Variants in NEMP2 observed in about 807,000 individuals in gnomAD.
The protein encoded by NEMP2 is nuclear envelope integral membrane protein 2, also known as UPF0571 transmembrane protein.
In NEMP2, 53 loss-of-function variants were observed where a neutral mutation model predicts 54.2. The ratio of observed to expected loss-of-function variants is 0.98; its 90% CI spans 0.78 to 1.23. The LOEUF (loss-of-function observed/expected upper bound fraction) is 1.23. NEMP2 is among the 50% of genes most tolerant of loss of function. The pLI is 0.00. For synonymous variants in NEMP2, 197 were observed against 190.3 expected, an observed-to-expected ratio of 1.04 and a Z score of -0.29; for missense variants, 455 against 511.3, an observed-to-expected ratio of 0.89 and a Z score of 1.06.
At chr2:190,590,672 T>C in the NEMP2 span, among the ~76,000 whole-genome samples, 1 of 152,224 alleles carries the variant, frequency 6.6e-6, no homozygotes, top group Non-Finnish European at 1.5e-5. The surrounding 1 kb of genome is among the most constrained non-coding windows in gnomAD (Gnocchi z 5.1). Flanking sequence ...TATAGACTTA[T>C]TTTAAAAATT....
At chr2:190,499,391 T>C (rs918997520), downstream of NEMP2, among the ~76,000 whole-genome samples, 7 of 152,224 alleles carry the variant, frequency 4.6e-5, no homozygotes, top group Non-Finnish European at 8.8e-5. The surrounding 1 kb of genome is among the most constrained non-coding windows in gnomAD (Gnocchi z 6.0). Flanking sequence ...ATGGCATTTA[T>C]GGAAATTGCT....
chr2:190,491,044 GTAGT>G, the NEMP2 span, among the ~76,000 whole-genome samples: 1 of 152,164 alleles, frequency 6.6e-6, no homozygotes, highest in Non-Finnish European at 1.5e-5. This position sits in a 1 kb window ranked among gnomAD's most constrained non-coding sequence, Gnocchi z 4.2. Flanking sequence ...GTTATAAGAT[GTAGT>G]TAAAGTTGTA....
chr2:190,467,961 CT>C, the NEMP2 span, among the ~76,000 whole-genome samples: 1 of 152,188 alleles, frequency 6.6e-6, no homozygotes, highest in East Asian at 1.9e-4. This position sits in a 1 kb window ranked among gnomAD's most constrained non-coding sequence, Gnocchi z 5.5. Context: ...ATGTGTGGTC[CT>C]TTATAGAAAA....
chr2:190,648,150 C>G, the NEMP2 span: 1 of 152,174 alleles, frequency 6.6e-6, no homozygotes, highest in Non-Finnish European at 1.5e-5. Flanking sequence ...ACACCATGGA[C>G]ACAAAAAACA....
intron 1 of NEMP2, chr2:190,534,106 T>C (rs1691265981): frequency 1.0e-6 from 1 of 987,486 alleles, no homozygotes; most frequent in Non-Finnish European, 1.2e-6. Flanking sequence ...CTGAAGCTGT[T>C]ACCTTCTCTA....
At chr2:190,477,874 A>G in the NEMP2 span, among the ~76,000 whole-genome samples, 2 of 152,182 alleles carry the variant, frequency 1.3e-5, no homozygotes, top group Admixed American at 1.3e-4. Flanking sequence ...CCCTACAAAA[A>G]TCACATAAGC....
In NEMP2 at chr2:190,508,791, C is replaced by T. The variant is rs1690257154; in HGVS notation, c.*398G>A. ...AGGTCTCTTTAAGGACTTATACTGA[C>T]GAACTATAGGAAGAGTATTGCAGAG... On this transcript the variant is annotated 3_prime_UTR_variant, in exon 9 of 9. Coordinates refer to ENST00000409150, the MANE Select transcript of NEMP2 (RefSeq NM_001142645.2). This position sits in a 1 kb window ranked among gnomAD's most constrained non-coding sequence, Gnocchi z 4.3. The T allele has an allele frequency of 1.6e-5, 3 of 188,926 alleles. No homozygotes were observed. Among genetic ancestry groups the T allele is most frequent in the South Asian group, 1.2e-4 (1 of 8,202 alleles). The allele number at this position is 188,926 out of a possible 1,614,324, so 11.7% of individuals were successfully genotyped here. A position where few individuals can be genotyped will look rare whatever the true frequency, so the allele number is the denominator to read the frequency against.
chr2:190,577,195 C>G, the NEMP2 span, among the ~76,000 whole-genome samples: 1 of 152,076 alleles, frequency 6.6e-6, no homozygotes, highest in Non-Finnish European at 1.5e-5. This position sits in a 1 kb window ranked among gnomAD's most constrained non-coding sequence, Gnocchi z 4.8. Context: ...TTTTTGAATG[C>G]AAAATTTATA....
chr2:190,545,370 A>G, the NEMP2 span, among the ~76,000 whole-genome samples: 7 of 152,002 alleles, frequency 4.6e-5, no homozygotes, highest in African/African-American at 1.7e-4. Flanking sequence ...TTTTCCCCCC[A>G]CTGGGGTAAT....
the NEMP2 span, among the ~76,000 whole-genome samples, chr2:190,468,979 C>A: frequency 6.6e-6 from 1 of 152,144 alleles, no homozygotes; most frequent in Non-Finnish European, 1.5e-5. Flanking sequence ...TCCAAACCAG[C>A]CCATCCAGTT....
chr2:190,425,863 T>G, the NEMP2 span, among the ~76,000 whole-genome samples: 1 of 152,230 alleles, frequency 6.6e-6, no homozygotes, highest in Non-Finnish European at 1.5e-5. The surrounding 1 kb of genome is among the most constrained non-coding windows in gnomAD (Gnocchi z 4.3). Flanking sequence ...ACAATTCTTT[T>G]CTTTTAGCAC....
chr2:190,484,111 T>C, the NEMP2 span, among the ~76,000 whole-genome samples: 1 of 152,088 alleles, frequency 6.6e-6, no homozygotes. Flanking sequence ...TTATGTGAGT[T>C]GGTATTGAAT....
At chr2:190,517,995 G>A (rs369361731) in intron 4 of NEMP2, among the ~76,000 whole-genome samples, 2 of 152,126 alleles carry the variant, frequency 1.3e-5, no homozygotes, top group Non-Finnish European at 2.9e-5. Context: ...AGCCCAGCTC[G>A]TCAGAGTCCA....
chr2:190,534,996 CG>C (rs919166196), upstream of NEMP2: 1 of 212,286 alleles, frequency 4.7e-6, no homozygotes, highest in African/African-American at 2.3e-5. Flanking sequence ...ACCGCCCGGC[CG>C]TGTCCCGCTG....
the NEMP2 span, among the ~76,000 whole-genome samples, chr2:190,631,159 G>A: frequency 1.9e-4 from 29 of 152,304 alleles, 2 homozygotes; most frequent in African/African-American, 6.3e-4. Flanking sequence ...TAAATTATTT[G>A]AAGATGTTGT....
chr2:190,465,980 G>T, the NEMP2 span, among the ~76,000 whole-genome samples: 5 of 152,092 alleles, frequency 3.3e-5, no homozygotes, highest in Admixed American at 2.6e-4. This position sits in a 1 kb window ranked among gnomAD's most constrained non-coding sequence, Gnocchi z 4.6. Context: ...AAAAAACTCG[G>T]AAGTTTATTT....
At chr2:190,616,089 C>T in the NEMP2 span, among the ~76,000 whole-genome samples, 14 of 152,270 alleles carry the variant, frequency 9.2e-5, no homozygotes, top group Admixed American at 5.9e-4. This position sits in a 1 kb window ranked among gnomAD's most constrained non-coding sequence, Gnocchi z 5.1. Flanking sequence ...ATTTCAGGCC[C>T]GAGTTCCTGC....
At chr2:190,620,294 A>G in the NEMP2 span, 2 of 152,218 alleles carry the variant, frequency 1.3e-5, no homozygotes, top group Non-Finnish European at 2.9e-5. The surrounding 1 kb of genome is among the most constrained non-coding windows in gnomAD (Gnocchi z 4.9). Context: ...GAATGGAAAT[A>G]AGCTATTATA....
At chr2:190,446,024 CA>C in the NEMP2 span, among the ~76,000 whole-genome samples, 1 of 152,116 alleles carries the variant, frequency 6.6e-6, no homozygotes, top group African/African-American at 2.4e-5. Context: ...CTTGATCAAT[CA>C]AAGGGCATGA....
Sources: allele counts gnomAD v4.1 joint callset (sites outside exome capture counted in the v4.1 genomes callset), GRCh38; gene constraint gnomAD v4.1.1; non-coding constraint Gnocchi (gnomAD v3.1); transcripts MANE v1.5; gene names NCBI Gene and HGNC (gene_info 2026-07-23, HGNC 2026-07-21).